Variants in MRAP2 observed in about 807,000 individuals in gnomAD.
The protein encoded by MRAP2 is melanocortin 2 receptor accessory protein 2.
MRAP2 carries 20 observed loss-of-function variants against 17.4 expected under a neutral mutation model. The ratio of observed to expected loss-of-function variants is 1.15; its 90% CI spans 0.81 to 1.67. MRAP2 has a LOEUF of 1.67. MRAP2 is among the 40% of genes most tolerant of loss of function. The pLI is 0.00. For synonymous variants in MRAP2, 96 were observed against 88.4 expected, an observed-to-expected ratio of 1.09 and a Z score of -0.48; for missense variants, 238 against 240.0, an observed-to-expected ratio of 0.99 and a Z score of 0.05.
Position 84,084,859 on chromosome 6 carries a change from C to CTTTATTTTATTTTAT in MRAP2, c.228-4189_228-4175dup, listed in dbSNP as rs766383974. 2.3e-3 allele frequency among the ~76,000 whole-genome samples: 318 copies of CTTTATTTTATTTTAT among 137,156 alleles called. 5 individuals carry two copies. Among genetic ancestry groups the CTTTATTTTATTTTAT allele is most frequent in the African/African-American group, 6.7e-3 (236 of 35,250 alleles). 90.0% of individuals were successfully genotyped at this position (137,156 alleles called of 152,430 possible). A position where few individuals can be genotyped will look rare whatever the true frequency, so the allele number is the denominator to read the frequency against. ...GGTATTTGAGAATCTCATTTCATTT[C>CTTTATTTTATTTTAT]TTTATTTTATTTTATTTTATTTTAT... On this transcript the variant is annotated intron_variant, in intron 3 of 3. Transcript: ENST00000257776.
downstream of MRAP2, among the ~76,000 whole-genome samples, chr6:84,093,928 C>A (rs2099502216): frequency 6.6e-6 from 1 of 152,188 alleles, no homozygotes; most frequent in African/African-American, 2.4e-5. Context: ...GTTAGGTAAG[C>A]TACAACTTGA....
the MRAP2 span, among the ~76,000 whole-genome samples, chr6:84,110,567 C>G: frequency 1.3e-5 from 2 of 152,144 alleles, no homozygotes; most frequent in Admixed American, 6.5e-5. Context: ...CCTGTTCACT[C>G]TGATGATAGT....
downstream of MRAP2, among the ~76,000 whole-genome samples, chr6:84,091,239 C>CTTTTTTTTT (rs34508361): frequency 9.3e-6 from 1 of 108,066 alleles, no homozygotes; most frequent in Non-Finnish European, 1.8e-5. Flanking sequence ...AGTTTGTTAA[C>CTTTTTTTTT]TTTTTTTTTT....
At chr6:84,138,058 T>C in the MRAP2 span, among the ~76,000 whole-genome samples, 1 of 152,220 alleles carries the variant, frequency 6.6e-6, no homozygotes. Context: ...TGAAAACTTA[T>C]AAATCATTGC....
At chr6:84,075,936 T>C (rs1322682222) in intron 3 of MRAP2, among the ~76,000 whole-genome samples, 1 of 152,226 alleles carries the variant, frequency 6.6e-6, no homozygotes, top group Non-Finnish European at 1.5e-5. Flanking sequence ...AGGAACTAGA[T>C]GGCAAAATGC....
At chr6:84,060,435 A>AT (rs2099492817) in intron 2 of MRAP2, among the ~76,000 whole-genome samples, 1 of 152,142 alleles carries the variant, frequency 6.6e-6, no homozygotes, top group Non-Finnish European at 1.5e-5. Context: ...TCCTTAGGAG[A>AT]ACACCTTCCT....
chr6:84,060,860 TTTTTTTTTTTTTGTA>T (rs2099492974), intron 2 of MRAP2, among the ~76,000 whole-genome samples: 1 of 147,744 alleles, frequency 6.8e-6, no homozygotes, highest in South Asian at 2.1e-4. Flanking sequence ...TAATTTTTTT[TTTTTTTTTTTTTGTA>T]TTTTTAGTAG....
chr6:84,036,121 C>A (rs1033297133), intron 1 of MRAP2, among the ~76,000 whole-genome samples: 7 of 149,172 alleles, frequency 4.7e-5, no homozygotes, highest in Admixed American at 3.3e-4. Flanking sequence ...CATTTTCTGT[C>A]TAGTCTTTTT....
At chr6:84,121,974 A>G in the MRAP2 span, among the ~76,000 whole-genome samples, 3 of 152,148 alleles carry the variant, frequency 2.0e-5, no homozygotes, top group Non-Finnish European at 2.9e-5. Context: ...CCAAAAAATG[A>G]GAGAGGATCA....
intron 1 of MRAP2, among the ~76,000 whole-genome samples, chr6:84,040,246 G>A (rs1043581359): frequency 6.6e-6 from 1 of 152,208 alleles, no homozygotes; most frequent in African/African-American, 2.4e-5. Flanking sequence ...TTCCCCTTCT[G>A]CCATGATTGT....
chr6:84,035,542 G>A (rs1244426365), intron 1 of MRAP2: 1 of 450,552 alleles, frequency 2.2e-6, no homozygotes, highest in Non-Finnish European at 2.9e-6. Context: ...AAAGCCAAGA[G>A]AAAGAAAGAT....
At chr6:84,070,419 A>G (rs2099495928) in intron 3 of MRAP2, among the ~76,000 whole-genome samples, 1 of 151,984 alleles carries the variant, frequency 6.6e-6, no homozygotes, top group African/African-American at 2.4e-5. Context: ...TTCCTTTTGG[A>G]GTTGATTTCT....
the MRAP2 span, among the ~76,000 whole-genome samples, chr6:84,113,384 T>C: frequency 4.6e-5 from 7 of 152,226 alleles, no homozygotes; most frequent in African/African-American, 9.6e-5. Context: ...TAAAGTCTGT[T>C]TTATCAGAGA....
At chr6:84,092,497 G>A (rs1342496294), downstream of MRAP2, among the ~76,000 whole-genome samples, 1 of 152,064 alleles carries the variant, frequency 6.6e-6, no homozygotes, top group East Asian at 1.9e-4. Context: ...TCTAATTTCA[G>A]TATTAGTGAG....
chr6:84,078,783 CCTT>C (rs1035403694), intron 3 of MRAP2, among the ~76,000 whole-genome samples: 7 of 152,320 alleles, frequency 4.6e-5, no homozygotes, highest in African/African-American at 1.7e-4. Context: ...TCTCCTTTGA[CCTT>C]CTTTGTAGTG....
At chr6:84,087,178 T>C (rs1015884666) in intron 3 of MRAP2, among the ~76,000 whole-genome samples, 1 of 152,172 alleles carries the variant, frequency 6.6e-6, no homozygotes. Context: ...TTTGGTTTTA[T>C]CCATTTTAGG....
chr6:84,101,129 C>T, the MRAP2 span, among the ~76,000 whole-genome samples: 1 of 152,130 alleles, frequency 6.6e-6, no homozygotes, highest in Non-Finnish European at 1.5e-5. Context: ...CTCCTTCATC[C>T]TTGAACTCTT....
the MRAP2 span, among the ~76,000 whole-genome samples, chr6:84,139,608 A>G: frequency 6.6e-6 from 1 of 152,234 alleles, no homozygotes; most frequent in Non-Finnish European, 1.5e-5. Context: ...CAAAACTGGC[A>G]GAAGCTGGTA....
chr6:84,108,360 T>C, the MRAP2 span, among the ~76,000 whole-genome samples: 2 of 152,168 alleles, frequency 1.3e-5, no homozygotes, highest in South Asian at 4.1e-4. Flanking sequence ...CACTTTATAA[T>C]AGTAGCCATT....
Sources: gnomAD v4.1 joint callset for allele counts (sites outside exome capture counted in the v4.1 genomes callset) on GRCh38, gnomAD v4.1.1 for gene constraint, MANE v1.5 for transcripts, NCBI Gene and HGNC (gene_info 2026-07-23, HGNC 2026-07-21) for gene names.